NANS: variants seen among roughly 807,000 people sequenced by gnomAD.
NANS encodes the protein N-acetylneuraminate synthase, also known as N-acetylneuraminate-9-phosphate synthase.
A neutral mutation model predicts 33.3 loss-of-function variants in NANS; 29 were observed. The observed-to-expected ratio is 0.87, with a 90% confidence interval of 0.65 to 1.19. The LOEUF (loss-of-function observed/expected upper bound fraction) is 1.19, where lower values mean the gene tolerates loss of function less well. NANS is among the 50% of genes most tolerant of loss of function. The pLI, the probability that NANS is intolerant of heterozygous loss-of-function variation, is 0.00. For synonymous variants in NANS, 163 were observed against 177.2 expected, an observed-to-expected ratio of 0.92 and a Z score of 0.64; for missense variants, 394 against 461.1, an observed-to-expected ratio of 0.85 and a Z score of 1.33.
intron 4 of NANS, among the ~76,000 whole-genome samples, chr9:98,079,810 C>T (rs1270913388): frequency 6.6e-6 from 1 of 152,240 alleles, no homozygotes; most frequent in Non-Finnish European, 1.5e-5. Flanking sequence ...TGGGCCTGCA[C>T]ATAGTACAGT....
At chr9:98,062,188 A>G (rs940816185) in intron 2 of NANS, among the ~76,000 whole-genome samples, 7 of 151,946 alleles carry the variant, frequency 4.6e-5, no homozygotes, top group African/African-American at 1.4e-4. Flanking sequence ...CCTGGGTGAT[A>G]GAGCAAGACC....
At chr9:98,078,622 G>C (rs1326403742) in intron 4 of NANS, among the ~76,000 whole-genome samples, 1 of 151,890 alleles carries the variant, frequency 6.6e-6, no homozygotes, top group Non-Finnish European at 1.5e-5. Context: ...GATCACCTGA[G>C]GTCAGGAGTT....
Position 98,080,953 on chromosome 9 carries a change from G to C in NANS, c.741G>C (p.Gly247=). Residue 247 remains glycine (G), a synonymous_variant, in exon 5 of 6, where the codon GGG becomes GGC. Coordinates refer to ENST00000210444, the MANE Select transcript of NANS (RefSeq NM_018946.4). ...RHITLDKTWK[G]SDHSASLEPG... ...TAACTTTGGACAAGACCTGGAAGGG[G>C]AGTGACCACTCGGCCTCGCTGGAGC... is the stretch of plus-strand genomic sequence containing the variant. 1.2e-6 allele frequency: 2 copies of C among 1,614,240 alleles called. No homozygotes were observed. Among genetic ancestry groups the C allele is most frequent in the Non-Finnish European group, 1.7e-6 (2 of 1,180,048 alleles).
intron 5 of NANS, among the ~76,000 whole-genome samples, chr9:98,082,487 A>G (rs1315339985): frequency 1.3e-5 from 2 of 152,238 alleles, no homozygotes; most frequent in Admixed American, 1.3e-4. Flanking sequence ...TTCCACGTAC[A>G]TTCTGTAATA....
intron 2 of NANS, among the ~76,000 whole-genome samples, chr9:98,063,332 C>T (rs1192744966): frequency 6.6e-6 from 1 of 152,124 alleles, no homozygotes; most frequent in Non-Finnish European, 1.5e-5. Flanking sequence ...ACCTCTGCCT[C>T]CCAGGTTCAA....
chr9:98,060,731 T>G, intron 1 of NANS, 51 bp from the exon 2 acceptor site: 1 of 1,580,880 alleles, frequency 6.3e-7, no homozygotes, highest in Non-Finnish European at 8.7e-7. Flanking sequence ...TTTTTTCCTT[T>G]TTTTGAGAAT....
chr9:98,082,336 T>TATG (rs2118055929), intron 5 of NANS, among the ~76,000 whole-genome samples: 1 of 152,300 alleles, frequency 6.6e-6, no homozygotes, highest in Admixed American at 6.5e-5. Context: ...ATCCCTATGT[T>TATG]ATGTTTCATC....
chr9:98,068,667 G>A (rs972510965), intron 2 of NANS, among the ~76,000 whole-genome samples: 33 of 142,426 alleles, frequency 2.3e-4, no homozygotes, highest in Non-Finnish European at 4.3e-4. Flanking sequence ...AAAAAAAAAA[G>A]CCAGGCATTG....
intron 2 of NANS, among the ~76,000 whole-genome samples, chr9:98,066,373 C>A (rs372208611): frequency 2.6e-5 from 4 of 152,152 alleles, no homozygotes; most frequent in African/African-American, 9.7e-5. Flanking sequence ...GTGGAGTTTT[C>A]CAGAGGCTAG....
In NANS at chr9:98,056,914, G is replaced by T; in HGVS notation, c.106G>T (p.Ala36Ser). ...GQNHQGDLDVAKRMIRMAKEC... is the reference protein window; with the variant it reads ...GQNHQGDLDVSKRMIRMAKEC... ...GAACCACCAGGGCGACCTGGACGTA[G>T]CCAAGCGCATGATCCGCATGGCCAA... Residue 36 changes from alanine to serine, a missense_variant, in exon 1 of 6, where the codon GCC becomes TCC. Transcript: ENST00000210444. 1 of 1,608,778 alleles carries T rather than the reference G, an allele frequency of 6.2e-7. No homozygotes were observed. The highest frequency in any genetic ancestry group is 8.5e-7 in the Non-Finnish European group (1 of 1,177,986).
rs1829851288 is a variant in NANS at position 98,081,317 on chromosome 9, C to T, written c.870+235C>T. ...TAACTTTAGCAGTTTCTCTGGCCACCTAGGGTCACATTAGAGTCTTCCACT... is the reference window on the plus strand; with the variant it reads ...TAACTTTAGCAGTTTCTCTGGCCACTTAGGGTCACATTAGAGTCTTCCACT... On this transcript the variant is annotated intron_variant, in intron 5 of 5. Coordinates refer to ENST00000210444, the MANE Select transcript of NANS (RefSeq NM_018946.4). 8 of 579,610 alleles carry T rather than the reference C, an allele frequency of 1.4e-5. No individual in the cohort carries two copies. The South Asian group carries it at 1.7e-4, about 12-fold the overall frequency. 35.9% of individuals were successfully genotyped at this position (579,610 alleles called of 1,614,324 possible). A position where few individuals can be genotyped will look rare whatever the true frequency, so the allele number is the denominator to read the frequency against.
At chr9:98,062,019 C>G (rs1421120941) in intron 2 of NANS, among the ~76,000 whole-genome samples, 1 of 151,714 alleles carries the variant, frequency 6.6e-6, no homozygotes, top group African/African-American at 2.4e-5. Context: ...GCCAGGAGCT[C>G]AAGACCAGTG....
intron 2 of NANS, among the ~76,000 whole-genome samples, chr9:98,065,334 CAG>C (rs1410125845): frequency 3.3e-5 from 2 of 60,068 alleles, no homozygotes; most frequent in African/African-American, 1.8e-4. Flanking sequence ...TTTTTTGAAA[CAG>C]AGTTTCGTTA....
chr9:98,073,049 A>G (rs992018917), intron 2 of NANS, among the ~76,000 whole-genome samples: 4 of 152,272 alleles, frequency 2.6e-5, no homozygotes, highest in Admixed American at 1.3e-4. Context: ...GGAAAGTTCT[A>G]TTGAGAAGGC....
intron 2 of NANS, among the ~76,000 whole-genome samples, chr9:98,067,986 T>A (rs2131631206): frequency 6.6e-6 from 1 of 152,122 alleles, no homozygotes; most frequent in East Asian, 1.9e-4. Flanking sequence ...CCTCCCAAAG[T>A]GCTGGGATTA....
intron 1 of NANS, 77 bp from the exon 2 acceptor site, chr9:98,060,705 A>C (rs1828948334): frequency 7.8e-7 from 1 of 1,279,090 alleles, no homozygotes; most frequent in Non-Finnish European, 1.1e-6. Context: ...GTGATGTCAT[A>C]GTGGTTGCTC....
chr9:98,078,374 C>A (rs1829689855), intron 4 of NANS, 27 bp downstream of exon 4: 1 of 1,607,426 alleles, frequency 6.2e-7, no homozygotes, highest in African/African-American at 1.3e-5. Context: ...GGGTTCCCTT[C>A]TTGGGCCATT....
intron 2 of NANS, chr9:98,076,590 G>C: frequency 3.7e-6 from 1 of 270,634 alleles, no homozygotes; most frequent in Non-Finnish European, 7.0e-6. Flanking sequence ...GGTCAGGCTA[G>C]TCTCAAACTC....
At chr9:98,059,795 T>C (rs1263546064) in intron 1 of NANS, among the ~76,000 whole-genome samples, 1 of 152,106 alleles carries the variant, frequency 6.6e-6, no homozygotes, top group Non-Finnish European at 1.5e-5. Context: ...GTAGAAGTCA[T>C]CTAGGGGCTG....
Sources: allele counts gnomAD v4.1 joint callset (sites outside exome capture counted in the v4.1 genomes callset), GRCh38; gene constraint gnomAD v4.1.1; transcripts MANE v1.5; gene names NCBI Gene and HGNC (gene_info 2026-07-23, HGNC 2026-07-21).